The following RBPMS variants were observed in gnomAD, a reference collection of about 807,000 sequenced individuals.
The protein encoded by RBPMS is RNA binding protein, mRNA processing factor.
RBPMS carries 7 observed loss-of-function variants against 26.8 expected under a neutral mutation model. The ratio of observed to expected loss-of-function variants is 0.26; its 90% CI spans 0.15 to 0.49. The LOEUF (loss-of-function observed/expected upper bound fraction) is 0.49. RBPMS is among the 20% of genes least tolerant of loss of function. RBPMS has a pLI of 0.98. For synonymous variants in RBPMS, 96 were observed against 93.3 expected (o/e 1.03, Z -0.17); for missense variants, 186 against 250.0 (o/e 0.74, Z 1.73).
At chr8:30,420,627 T>TG (rs1810658247) in intron 1 of RBPMS, among the ~76,000 whole-genome samples, 1 of 152,228 alleles carries the variant, frequency 6.6e-6, no homozygotes, top group African/African-American at 2.4e-5. Flanking sequence ...TGCATGTGAT[T>TG]CTAACTTTCA....
chr8:30,492,425 C>G (rs773042990), intron 4 of RBPMS, among the ~76,000 whole-genome samples: 1 of 151,854 alleles, frequency 6.6e-6, no homozygotes, highest in Non-Finnish European at 1.5e-5. Context: ...AAAGAGCTGA[C>G]ACCACGCTTG....
At chr8:30,419,399 T>A (rs1810472370) in intron 1 of RBPMS, among the ~76,000 whole-genome samples, 1 of 151,560 alleles carries the variant, frequency 6.6e-6, no homozygotes, top group South Asian at 2.1e-4. Flanking sequence ...TGAGCCAAGA[T>A]CATGCCATTG....
chr8:30,543,210 G>C (rs1206610427), intron 5 of RBPMS, among the ~76,000 whole-genome samples: 1 of 152,228 alleles, frequency 6.6e-6, no homozygotes, highest in African/African-American at 2.4e-5. Context: ...ACCATCCTGA[G>C]AGAAGCTCGT....
intron 6 of RBPMS, among the ~76,000 whole-genome samples, chr8:30,557,664 CGCCTCACCTGGCCCCACAG>C (rs1424487274): frequency 6.6e-6 from 1 of 152,208 alleles, no homozygotes; most frequent in African/African-American, 2.4e-5. Context: ...GGGAGGGCAT[CGCCTCACCTGGCCCCACAG>C]GCCTCACCTT....
intron 1 of RBPMS, among the ~76,000 whole-genome samples, chr8:30,443,064 G>C (rs531001382): frequency 6.6e-6 from 1 of 152,210 alleles, no homozygotes; most frequent in East Asian, 1.9e-4. Context: ...AAGTATTCTC[G>C]TCCACACAGT....
chr8:30,513,852 C>T (rs1822002204), intron 5 of RBPMS, among the ~76,000 whole-genome samples: 1 of 152,102 alleles, frequency 6.6e-6, no homozygotes, highest in South Asian at 2.1e-4. Flanking sequence ...TGCAGGCTCC[C>T]TTTTACTTCC....
chr8:30,385,530 G>A (rs1051206452), intron 1 of RBPMS: 4 of 186,810 alleles, frequency 2.1e-5, no homozygotes, highest in Non-Finnish European at 4.3e-5. Context: ...ATTCAGGGTC[G>A]GGGGGGGAGC....
intron 5 of RBPMS, among the ~76,000 whole-genome samples, chr8:30,534,045 A>G (rs1824541748): frequency 6.6e-6 from 1 of 152,070 alleles, no homozygotes; most frequent in Non-Finnish European, 1.5e-5. Context: ...GAGGCAGGAA[A>G]ATTGCTTGAA....
intron 7 of RBPMS, chr8:30,564,408 T>C (rs889038190): frequency 6.6e-6 from 1 of 152,238 alleles, no homozygotes; most frequent in African/African-American, 2.4e-5. Context: ...TCTGCAATTC[T>C]TTCCAGCTCT....
intron 1 of RBPMS, among the ~76,000 whole-genome samples, chr8:30,425,481 A>G (rs1209345189): frequency 6.6e-6 from 1 of 151,228 alleles, no homozygotes; most frequent in Non-Finnish European, 1.5e-5. Flanking sequence ...ACTCACAACA[A>G]CCTCCGCCTC....
intron 1 of RBPMS, among the ~76,000 whole-genome samples, chr8:30,439,484 T>G (rs1390098695): frequency 1.3e-5 from 2 of 152,204 alleles, no homozygotes. Context: ...ATAGGCTGAC[T>G]TTGCAGTGAG....
chr8:30,560,807 A>G (rs1403468067), intron 7 of RBPMS, among the ~76,000 whole-genome samples: 1 of 152,186 alleles, frequency 6.6e-6, no homozygotes, highest in African/African-American at 2.4e-5. Flanking sequence ...ACAGAATCTT[A>G]GGAGACTAAT....
intron 1 of RBPMS, among the ~76,000 whole-genome samples, chr8:30,391,365 G>A (rs1282053659): frequency 6.6e-6 from 1 of 152,220 alleles, no homozygotes; most frequent in Non-Finnish European, 1.5e-5. Flanking sequence ...AGCCACTTTG[G>A]AATGTTTGTG....
At chr8:30,555,146 T>C (rs1826746233) in intron 6 of RBPMS, among the ~76,000 whole-genome samples, 1 of 152,200 alleles carries the variant, frequency 6.6e-6, no homozygotes, top group Non-Finnish European at 1.5e-5. Context: ...CCATTTGATT[T>C]TTACTCTGAG....
chr8:30,417,990 G>A (rs922921284), intron 1 of RBPMS, among the ~76,000 whole-genome samples: 4 of 152,186 alleles, frequency 2.6e-5, no homozygotes, highest in Non-Finnish European at 5.9e-5. Flanking sequence ...ATAGGTATAT[G>A]AAGAATAACT....
intron 1 of RBPMS, among the ~76,000 whole-genome samples, chr8:30,437,098 T>C (rs1182674556): frequency 3.3e-5 from 5 of 151,670 alleles, no homozygotes; most frequent in Non-Finnish European, 5.9e-5. Flanking sequence ...ATTTTTTGTA[T>C]TTTTAGTAGA....
chr8:30,547,184 T>C, intron 6 of RBPMS: 1 of 791,054 alleles, frequency 1.3e-6, no homozygotes, highest in South Asian at 1.6e-5. Flanking sequence ...GAGAATTCAG[T>C]CTTTGTTTTG....
At chr8:30,409,360 A>C (rs1030924049) in intron 1 of RBPMS, among the ~76,000 whole-genome samples, 5 of 151,832 alleles carry the variant, frequency 3.3e-5, no homozygotes, top group African/African-American at 1.2e-4. Context: ...TGGCTGGCTA[A>C]TTTTGTAGTT....
At chr8:30,410,143 TACACACACACACACAC>T (rs34489233) in intron 1 of RBPMS, among the ~76,000 whole-genome samples, 197 of 132,202 alleles carry the variant, frequency 1.5e-3, no homozygotes, top group African/African-American at 4.0e-3. Context: ...TGACTTAAAA[TACACACACACACACAC>T]ACACACACAC....
Sources: gnomAD v4.1 joint callset for allele counts (sites outside exome capture counted in the v4.1 genomes callset) on GRCh38, gnomAD v4.1.1 for gene constraint, MANE v1.5 for transcripts, NCBI Gene and HGNC (gene_info 2026-07-23, HGNC 2026-07-21) for gene names.